The following RACGAP1 variants were observed in gnomAD, a reference collection of about 807,000 sequenced individuals.
The protein encoded by RACGAP1 is rac GTPase-activating protein 1.
Under a neutral mutation model 78.1 loss-of-function variants are expected in RACGAP1, and 30 were observed. That is an observed-to-expected ratio of 0.38 (90% CI 0.29 to 0.52). RACGAP1 has a LOEUF of 0.52. Among genes scored for constraint, RACGAP1 ranks in the 20% least tolerant of loss-of-function variants. The pLI, the probability that RACGAP1 is intolerant of heterozygous loss-of-function variation, is 0.82. For missense variants in RACGAP1, 587 were observed against 777.1 expected, an observed-to-expected ratio of 0.76 and a Z score of 2.91; for synonymous variants, 231 against 264.8, an observed-to-expected ratio of 0.87 and a Z score of 1.24.
At chr12:50,017,806 G>C (rs548588035) in intron 1 of RACGAP1, among the ~76,000 whole-genome samples, 1 of 152,222 alleles carries the variant, frequency 6.6e-6, no homozygotes, top group Admixed American at 6.5e-5. Flanking sequence ...TTACAAGATT[G>C]CACCACAAGC....
At chr12:50,004,659 C>T (rs1199182892) in intron 4 of RACGAP1, among the ~76,000 whole-genome samples, 4 of 152,206 alleles carry the variant, frequency 2.6e-5, no homozygotes, top group Non-Finnish European at 2.9e-5. Context: ...CCCAACTGTG[C>T]TGGTTTCTAC....
intron 2 of RACGAP1, among the ~76,000 whole-genome samples, chr12:50,013,752 C>T (rs927123197): frequency 1.3e-5 from 2 of 152,224 alleles, no homozygotes; most frequent in Non-Finnish European, 1.5e-5. Flanking sequence ...TCTTGGGATT[C>T]TACCCTACAG....
chr12:49,990,856 A>G, intron 15 of RACGAP1, 64 bp from the exon 16 acceptor site: 1 of 1,261,440 alleles, frequency 7.9e-7, no homozygotes, highest in Middle Eastern at 1.9e-4. Context: ...TTAGATGGCT[A>G]GTTTTAAGCT....
intron 2 of RACGAP1, among the ~76,000 whole-genome samples, chr12:50,014,660 G>T (rs1949547803): frequency 6.6e-6 from 1 of 151,780 alleles, no homozygotes; most frequent in South Asian, 2.1e-4. Context: ...CCTCCCCAGT[G>T]ATCCTCCCAC....
chr12:50,019,551 C>T (rs1255075381), intron 1 of RACGAP1, among the ~76,000 whole-genome samples: 3 of 151,880 alleles, frequency 2.0e-5, no homozygotes, highest in East Asian at 1.9e-4. Context: ...CAGTTAAAAG[C>T]GGGAGAGGGA....
chr12:49,997,272 CTTTTT>C (rs540814831), intron 9 of RACGAP1, 68 bp from the exon 10 acceptor site: 333 of 1,158,548 alleles, frequency 2.9e-4, no homozygotes, highest in Admixed American at 9.4e-4. Context: ...AATCAACTAA[CTTTTT>C]TTTTTTTTTT....
chr12:50,026,104 C>T (rs949813734), upstream of RACGAP1, among the ~76,000 whole-genome samples: 6 of 152,188 alleles, frequency 3.9e-5, no homozygotes, highest in Non-Finnish European at 8.8e-5. Flanking sequence ...TTATTTAGAA[C>T]TTGGCATTGT....
intron 6 of RACGAP1, among the ~76,000 whole-genome samples, chr12:50,002,000 C>A (rs982856443): frequency 6.7e-6 from 1 of 148,912 alleles, no homozygotes; most frequent in Non-Finnish European, 1.5e-5. Flanking sequence ...GGGAGGCGGA[C>A]GTTGCGTTCA....
intron 1 of RACGAP1, among the ~76,000 whole-genome samples, chr12:50,018,744 T>C (rs992118750): frequency 3.9e-5 from 6 of 152,118 alleles, no homozygotes; most frequent in African/African-American, 1.4e-4. Flanking sequence ...GAAAATTTCA[T>C]GGTGCTAGGA....
chr12:49,996,422 A>G (rs1015537200), intron 10 of RACGAP1, among the ~76,000 whole-genome samples: 6 of 151,850 alleles, frequency 4.0e-5, no homozygotes, highest in African/African-American at 1.5e-4. Flanking sequence ...TGAGGTCAGG[A>G]GCTTGAGACC....
intron 15 of RACGAP1, among the ~76,000 whole-genome samples, chr12:49,991,457 T>TTTTATATATATATATATATATATATATA: frequency 3.6e-5 from 1 of 27,402 alleles, no homozygotes; most frequent in Non-Finnish European, 8.7e-5. Flanking sequence ...ATTTAAACTA[T>TTTTATATATATATATATATATATATATA]TATATATATA....
intron 2 of RACGAP1, among the ~76,000 whole-genome samples, chr12:50,007,134 C>T (rs1385914893): frequency 2.0e-5 from 3 of 151,980 alleles, no homozygotes; most frequent in Non-Finnish European, 4.4e-5. Flanking sequence ...GATGTCTAGA[C>T]CTACAATTCC....
rs529541489 is a variant in RACGAP1 at position 49,995,501 on chromosome 12, T to C, written c.1045-992A>G. 4.4e-3 allele frequency among the ~76,000 whole-genome samples: 677 copies of C among 152,222 alleles called. 8 individuals are homozygous for C. Among genetic ancestry groups the C allele is most frequent in the African/African-American group, 0.015 (641 of 41,532 alleles). On this transcript the variant is annotated intron_variant, in intron 10 of 16. Transcript: ENST00000312377. Reference sequence around the variant, plus strand: ...CTAATGTTACTTACATAATAATTTTTTTTTTTTTTGAGATAGGGTCTTGCT... The same window carrying C: ...CTAATGTTACTTACATAATAATTTTCTTTTTTTTTGAGATAGGGTCTTGCT...
intron 7 of RACGAP1, among the ~76,000 whole-genome samples, chr12:50,000,214 T>C (rs1196640866): frequency 6.6e-6 from 1 of 151,796 alleles, no homozygotes; most frequent in African/African-American, 2.4e-5. Context: ...GGGGTTTCAC[T>C]GTGTTAGCCA....
chr12:50,002,231 A>G lies in RACGAP1; in HGVS notation c.549+16T>C. On this transcript the variant is annotated intron_variant, in intron 6 of 16. Transcript: ENST00000312377. ...ATTACTTTGTTTTAAAAAAAGACTA[A>G]ACAAATCATACATACCCTCTTTTCT... The G allele has an allele frequency of 1.9e-6, 3 of 1,610,548 alleles. No homozygotes were observed. Among genetic ancestry groups the G allele is most frequent in the Non-Finnish European group, 2.5e-6 (3 of 1,178,340 alleles).
chr12:49,996,955 T>C, intron 10 of RACGAP1, 85 bp downstream of exon 10: 1 of 1,381,772 alleles, frequency 7.2e-7, no homozygotes, highest in Non-Finnish European at 9.5e-7. Flanking sequence ...TTTGAGATGA[T>C]TAATTTTAGA....
intron 2 of RACGAP1, among the ~76,000 whole-genome samples, chr12:50,014,724 T>TTTTTTG (rs1352726449): frequency 2.6e-5 from 4 of 151,990 alleles, no homozygotes; most frequent in African/African-American, 9.7e-5. Flanking sequence ...ACTGGCGGGT[T>TTTTTTG]TTTTTGTTTT....
At chr12:49,999,856 T>A (rs1026619727) in intron 7 of RACGAP1, 123 bp from the exon 8 acceptor site, 36 of 716,952 alleles carry the variant, frequency 5.0e-5, no homozygotes, top group Non-Finnish European at 8.1e-5. Flanking sequence ...CCCAGTCTGA[T>A]ACTTTTTTTT....
At chr12:50,010,024 A>G (rs1949214722) in intron 2 of RACGAP1, among the ~76,000 whole-genome samples, 1 of 152,236 alleles carries the variant, frequency 6.6e-6, no homozygotes, top group Admixed American at 6.5e-5. Context: ...AAGACAGGCA[A>G]TATGTCATAT....
Sources: allele counts gnomAD v4.1 joint callset (sites outside exome capture counted in the v4.1 genomes callset), GRCh38; gene constraint gnomAD v4.1.1; transcripts MANE v1.5; gene names NCBI Gene and HGNC (gene_info 2026-07-23, HGNC 2026-07-21).